PEBP4: variants seen among roughly 807,000 people sequenced by gnomAD.
PEBP4 encodes the protein phosphatidylethanolamine binding protein 4.
A neutral mutation model predicts 23.9 loss-of-function variants in PEBP4; 22 were observed. The ratio of observed to expected loss-of-function variants is 0.92; its 90% confidence interval spans 0.66 to 1.31. PEBP4 has a LOEUF of 1.31. Ranked by LOEUF, PEBP4 falls within the 40% of genes most tolerant of loss-of-function variation. The probability of loss-of-function intolerance (pLI) is 0.00; values close to 1 mark genes in which losing one functional copy is unlikely to be tolerated. For missense variants in PEBP4, 324 were observed against 281.7 expected (o/e 1.15, Z -1.07); for synonymous variants, 112 against 99.3 (o/e 1.13, Z -0.76).
At chr8:22,851,475 T>C (rs2128767262) in intron 3 of PEBP4, among the ~76,000 whole-genome samples, 1 of 152,246 alleles carries the variant, frequency 6.6e-6, no homozygotes, top group Non-Finnish European at 1.5e-5. Flanking sequence ...CCAGAGATCA[T>C]CTGGTATAAC....
At chr8:22,770,160 C>G (rs1019825144) in intron 4 of PEBP4, among the ~76,000 whole-genome samples, 1 of 152,184 alleles carries the variant, frequency 6.6e-6, no homozygotes, top group Non-Finnish European at 1.5e-5. Context: ...ATGGCGGGCA[C>G]CTTTGTGTGA....
chr8:22,905,735 A>G (rs6557600), intron 3 of PEBP4, among the ~76,000 whole-genome samples: 35,493 of 152,146 alleles, frequency 0.23, 4,225 homozygotes, highest in Middle Eastern at 0.28. Flanking sequence ...TGCTGCTCCC[A>G]CCTCACAGGT....
intron 3 of PEBP4, among the ~76,000 whole-genome samples, chr8:22,892,523 T>C (rs900594691): frequency 6.6e-6 from 1 of 152,250 alleles, no homozygotes; most frequent in Non-Finnish European, 1.5e-5. Flanking sequence ...TAACTAGTTT[T>C]CTGCTTAAAA....
intron 3 of PEBP4, among the ~76,000 whole-genome samples, chr8:22,838,348 G>GT (rs991851172): frequency 1.2e-3 from 179 of 151,850 alleles, no homozygotes; most frequent in African/African-American, 3.9e-3. Context: ...AGGTTTTTTG[G>GT]TTTTTTTTCA....
chr8:22,881,404 G>C (rs1298246857), intron 3 of PEBP4, among the ~76,000 whole-genome samples: 1 of 152,136 alleles, frequency 6.6e-6, no homozygotes, highest in African/African-American at 2.4e-5. Context: ...CTCAGACTCG[G>C]GCTTCCTGCA....
intron 3 of PEBP4, among the ~76,000 whole-genome samples, chr8:22,910,316 C>A (rs183668999): frequency 5.3e-4 from 80 of 152,352 alleles, no homozygotes; most frequent in Admixed American, 1.1e-3. Context: ...TAGCAAGAGA[C>A]CAAGCCCCCA....
intron 4 of PEBP4, among the ~76,000 whole-genome samples, chr8:22,776,107 C>A (rs1805809105): frequency 6.6e-6 from 1 of 152,146 alleles, no homozygotes; most frequent in Non-Finnish European, 1.5e-5. Flanking sequence ...TTCATCTCTG[C>A]ACCAAAGTAA....
intron 4 of PEBP4, among the ~76,000 whole-genome samples, chr8:22,733,414 T>C (rs1465207351): frequency 6.6e-6 from 1 of 152,172 alleles, no homozygotes; most frequent in African/African-American, 2.4e-5. Context: ...GCGACACTCC[T>C]CCCTCACCTG....
At chr8:22,783,481 G>A (rs374167119) in intron 4 of PEBP4, among the ~76,000 whole-genome samples, 148 of 152,296 alleles carry the variant, frequency 9.7e-4, no homozygotes, top group African/African-American at 2.9e-3. Flanking sequence ...GCTCCTGTGC[G>A]TACCCAGTGG....
Position 22,881,774 on chromosome 8 carries a change from A to G in PEBP4, c.258+38410T>C, listed in dbSNP as rs535892762. On this transcript the variant is annotated intron_variant, in intron 3 of 6. Coordinates refer to ENST00000256404, the MANE Select transcript of PEBP4 (RefSeq NM_144962.3). Reference sequence around the variant, plus strand: ...AGGGAGGCAGTAGCATACAGCAATTAGGGATGAAACTGTGGAGTGGGAGGC... The same window carrying G: ...AGGGAGGCAGTAGCATACAGCAATTGGGGATGAAACTGTGGAGTGGGAGGC... 2.0e-5 allele frequency among the ~76,000 whole-genome samples: 3 copies of G among 152,332 alleles called. No homozygotes were observed. In the East Asian group the frequency reaches 5.8e-4, roughly 29 times the overall value.
At chr8:22,758,357 A>G (rs559343820) in intron 4 of PEBP4, among the ~76,000 whole-genome samples, 28 of 152,308 alleles carry the variant, frequency 1.8e-4, no homozygotes, top group Non-Finnish European at 3.8e-4. Flanking sequence ...GGTAGTAAAT[A>G]TTTGAGGCCT....
chr8:22,903,018 G>T (rs1460426928), intron 3 of PEBP4, among the ~76,000 whole-genome samples: 1 of 152,194 alleles, frequency 6.6e-6, no homozygotes. Flanking sequence ...GGAGGGCCTT[G>T]TAATAGCCTG....
intron 3 of PEBP4, among the ~76,000 whole-genome samples, chr8:22,873,926 T>TCC (rs1808064450): frequency 6.6e-6 from 1 of 152,164 alleles, no homozygotes; most frequent in Non-Finnish European, 1.5e-5. Context: ...CCTCCCTGTT[T>TCC]CTCTAGCTTC....
At chr8:22,807,815 A>G (rs528632700) in intron 4 of PEBP4, among the ~76,000 whole-genome samples, 17 of 151,728 alleles carry the variant, frequency 1.1e-4, no homozygotes, top group Non-Finnish European at 2.4e-4. Context: ...TTATCCATCC[A>G]TCCATCTACC....
chr8:22,746,339 C>T (rs1449378649), intron 4 of PEBP4, among the ~76,000 whole-genome samples: 3 of 152,154 alleles, frequency 2.0e-5, no homozygotes, highest in Admixed American at 1.3e-4. Flanking sequence ...CACTTTGGGT[C>T]TGGAAAGCCA....
intron 4 of PEBP4, among the ~76,000 whole-genome samples, chr8:22,773,694 G>A (rs1406454681): frequency 6.6e-6 from 1 of 152,160 alleles, no homozygotes; most frequent in Non-Finnish European, 1.5e-5. Flanking sequence ...TCCCAATGTT[G>A]GCATCAGGCT....
chr8:22,792,956 T>A (rs191852166), intron 4 of PEBP4, among the ~76,000 whole-genome samples: 101 of 152,338 alleles, frequency 6.6e-4, no homozygotes, highest in Non-Finnish European at 1.1e-3. Context: ...ATGATTGTAA[T>A]AATCAAATTA....
At chr8:22,880,281 C>A (rs1394359413) in intron 3 of PEBP4, among the ~76,000 whole-genome samples, 1 of 152,232 alleles carries the variant, frequency 6.6e-6, no homozygotes, top group Non-Finnish European at 1.5e-5. Flanking sequence ...GCCACCTCAA[C>A]TACTGTCCCT....
chr8:22,935,761 C>T (rs1410090990), intron 1 of PEBP4, among the ~76,000 whole-genome samples: 2 of 152,008 alleles, frequency 1.3e-5, no homozygotes, highest in African/African-American at 2.4e-5. Context: ...CATGTTTAGA[C>T]TTAGGTCCCA....
Sources: allele counts gnomAD v4.1 joint callset (sites outside exome capture counted in the v4.1 genomes callset), GRCh38; gene constraint gnomAD v4.1.1; transcripts MANE v1.5; gene names NCBI Gene and HGNC (gene_info 2026-07-23, HGNC 2026-07-21).